Variants in NFAT5 observed in about 807,000 individuals in gnomAD.
NFAT5 encodes the protein nuclear factor of activated T cells 5.
A neutral mutation model predicts 166.5 loss-of-function variants in NFAT5; 31 were observed. That is an observed-to-expected ratio of 0.19 (90% CI 0.14 to 0.25). NFAT5 has a LOEUF of 0.25. Among genes scored for constraint, NFAT5 ranks in the 10% least tolerant of loss-of-function variants. NFAT5 has a pLI of 1.00. For missense variants in NFAT5, 1,449 were observed against 1,821.8 expected (o/e 0.80, Z 3.72); for synonymous variants, 612 against 639.7 (o/e 0.96, Z 0.65).
chr16:69,568,334 GTATATATA>G (rs371948858), intron 1 of NFAT5, among the ~76,000 whole-genome samples, 153 bp from the exon 2 acceptor site: 9 of 133,428 alleles, frequency 6.7e-5, no homozygotes, highest in African/African-American at 2.6e-4. Context: ...ATGTATGTGT[GTATATATA>G]TATATGTGTG....
chr16:69,655,628 C>T lies in NFAT5; in HGVS notation c.1025C>T (p.Pro342Leu). 1 of 1,608,578 alleles carries T rather than the reference C, an allele frequency of 6.2e-7. No individual in the cohort carries two copies. The highest frequency in any genetic ancestry group is 8.5e-7 in the Non-Finnish European group (1 of 1,176,900). Residue 342 changes from proline (P) to leucine (L), a missense_variant, in exon 6 of 15, where the codon CCT becomes CTT. Physicochemically the swap from Pro to Leu is moderately conservative, Grantham distance 98 (BLOSUM62 -3). Around this residue, in one of 7 missense-constraint regions of NFAT5, gnomAD observed 13 missense variants for 16.4 expected, o/e 0.79. Transcript: ENST00000349945. Reference sequence around the variant, plus strand: ...TTTCAGCTGGAAGGCCATAATGAACCTGTAGTGTTGCAAGTGTTTGTGGGC... The same window carrying T: ...TTTCAGCTGGAAGGCCATAATGAACTTGTAGTGTTGCAAGTGTTTGTGGGC... ...PTVKLEGHNEPVVLQVFVGND... is the reference protein window; with the variant it reads ...PTVKLEGHNELVVLQVFVGND...
intron 2 of NFAT5, among the ~76,000 whole-genome samples, chr16:69,581,754 C>G (rs1009131490): frequency 6.6e-6 from 1 of 152,002 alleles, no homozygotes; most frequent in Non-Finnish European, 1.5e-5. Flanking sequence ...GGAGAAATGC[C>G]TATTCAAGGC....
At chr16:69,668,235 C>G (rs928793247) in intron 7 of NFAT5, among the ~76,000 whole-genome samples, 4 of 152,138 alleles carry the variant, frequency 2.6e-5, no homozygotes, top group Non-Finnish European at 4.4e-5. Context: ...TGATCTGCCC[C>G]TCTCGGTCTC....
At chr16:69,571,253 A>G (rs2016419317) in intron 2 of NFAT5, among the ~76,000 whole-genome samples, 1 of 151,672 alleles carries the variant, frequency 6.6e-6, no homozygotes, top group Non-Finnish European at 1.5e-5. Flanking sequence ...GTGGTGAGCC[A>G]AGATCACTCT....
At chr16:69,643,724 A>T (rs754971713) in intron 3 of NFAT5, among the ~76,000 whole-genome samples, 2 of 152,200 alleles carry the variant, frequency 1.3e-5, no homozygotes, top group Non-Finnish European at 2.9e-5. Context: ...AACTCCAAAT[A>T]CATACCAAAT....
chr16:69,615,185 G>T (rs1198958112), intron 2 of NFAT5, among the ~76,000 whole-genome samples: 2 of 152,034 alleles, frequency 1.3e-5, no homozygotes, highest in Admixed American at 1.3e-4. Context: ...GGGATTACAG[G>T]CACGTGCCAC....
At chr16:69,687,302 G>T (rs375081577) in intron 11 of NFAT5, among the ~76,000 whole-genome samples, 1 of 152,010 alleles carries the variant, frequency 6.6e-6, no homozygotes, top group Non-Finnish European at 1.5e-5. Flanking sequence ...TTAGCTGGGC[G>T]TGGTGGTGTG....
rs760406512 is a variant in NFAT5 at position 69,647,170 on chromosome 16, A to G, written c.396A>G (p.Val132=). 1 of 1,614,128 alleles carries G rather than the reference A, an allele frequency of 6.2e-7. No individual in the cohort carries two copies. Among genetic ancestry groups the G allele is most frequent in the South Asian group, 1.1e-5 (1 of 91,080 alleles). The change falls in exon 4 of 15, where the codon GTA becomes GTG. Residue 132 remains valine (V), a synonymous_variant. Transcript: ENST00000349945. The surrounding 1 kb of genome is among the most constrained non-coding windows in gnomAD (Gnocchi z 4.8). ...AGAGCTGCTCCTCAGCCGTGGGGGT[A>G]AGTAACAGAGGGGTAAGTGAAAAGC... ...QVESCSSAVG[V]SNRGVSEKQL... is the part of the protein sequence containing the mutation.
At chr16:69,625,043 G>A (rs2034390798) in intron 2 of NFAT5, among the ~76,000 whole-genome samples, 1 of 152,002 alleles carries the variant, frequency 6.6e-6, no homozygotes, top group Non-Finnish European at 1.5e-5. Context: ...GGGATTACAG[G>A]TGCCCGTCAC....
At chr16:69,610,110 A>T (rs900188431) in intron 2 of NFAT5, among the ~76,000 whole-genome samples, 1 of 152,092 alleles carries the variant, frequency 6.6e-6, no homozygotes, top group African/African-American at 2.4e-5. Flanking sequence ...AAGAAAACTA[A>T]CTTTTTAAGG....
intron 2 of NFAT5, among the ~76,000 whole-genome samples, chr16:69,596,491 G>A (rs936910703): frequency 6.6e-5 from 10 of 152,146 alleles, no homozygotes; most frequent in South Asian, 2.1e-4. Flanking sequence ...AGGCTGAGGC[G>A]GGCAGATCAC....
chr16:69,633,943 T>C (rs964925439), intron 3 of NFAT5, among the ~76,000 whole-genome samples: 4 of 152,110 alleles, frequency 2.6e-5, no homozygotes, highest in Non-Finnish European at 5.9e-5. Context: ...CCCATGAATA[T>C]GTATGATTAT....
chr16:69,566,014 T>C lies in NFAT5; in HGVS notation c.-288T>C, dbSNP rs183762093. 83 of 318,678 alleles carry C rather than the reference T, an allele frequency of 2.6e-4. No homozygotes were observed. The highest frequency in any genetic ancestry group is 9.6e-4 in the Middle Eastern group (1 of 1,046). 19.7% of individuals were successfully genotyped at this position (318,678 alleles called of 1,614,324 possible). On this transcript the variant is annotated 5_prime_UTR_variant, in exon 1 of 15. Coordinates refer to ENST00000349945, the MANE Select transcript of NFAT5 (RefSeq NM_138713.4). The surrounding 1 kb of genome is among the most constrained non-coding windows in gnomAD (Gnocchi z 5.7). Reference sequence around the variant, plus strand: ...GGTGGCGGCGACCGTCAGTTTTCGCTGAGGAGAAACACGAAACGGACCCTT... The same window carrying C: ...GGTGGCGGCGACCGTCAGTTTTCGCCGAGGAGAAACACGAAACGGACCCTT...
intron 3 of NFAT5, among the ~76,000 whole-genome samples, chr16:69,627,316 A>T (rs1186566059): frequency 1.6e-5 from 2 of 128,854 alleles, no homozygotes; most frequent in African/African-American, 5.7e-5. Flanking sequence ...GTTTTAAAAA[A>T]AGGAAACATA....
chr16:69,605,356 C>T (rs1018595917), intron 2 of NFAT5, among the ~76,000 whole-genome samples: 8 of 152,132 alleles, frequency 5.3e-5, no homozygotes, highest in Admixed American at 5.2e-4. Context: ...AGGAGAATCG[C>T]TTGAACCCAG....
chr16:69,635,023 GTTTTTTTTTTTTTT>G (rs530661389), intron 3 of NFAT5, among the ~76,000 whole-genome samples: 3 of 105,268 alleles, frequency 2.8e-5, no homozygotes, highest in Admixed American at 1.1e-4. Flanking sequence ...TGTTAGTAAA[GTTTTTTTTTTTTTT>G]TTTTTTTTTG....
At chr16:69,668,272 G>C (rs2036485204) in intron 7 of NFAT5, among the ~76,000 whole-genome samples, 1 of 152,132 alleles carries the variant, frequency 6.6e-6, no homozygotes, top group Admixed American at 6.5e-5. Flanking sequence ...ACAGGCGTGA[G>C]CCACCTCACC....
At chr16:69,644,415 T>C (rs2035347869) in intron 3 of NFAT5, among the ~76,000 whole-genome samples, 1 of 152,274 alleles carries the variant, frequency 6.6e-6, no homozygotes, top group African/African-American at 2.4e-5. Context: ...TGTTCTTTTC[T>C]GACAGAGTTA....
rs539344579 is a variant in NFAT5, at chr16:69,628,349, C to T, written c.253+1821C>T. Among the ~76,000 whole-genome samples the T allele has an allele frequency of 2.6e-4, 40 of 151,970 alleles. No individual in the cohort carries two copies. The South Asian group carries it at 5.6e-3, about 21-fold the overall frequency. ...AAGAAGTATTTTGAAGTAATGCATT[C>T]TTATTATCTTGAAATTATTGACATT... On this transcript the variant is annotated intron_variant, in intron 3 of 14. Coordinates refer to ENST00000349945, the MANE Select transcript of NFAT5 (RefSeq NM_138713.4).
Sources: gnomAD v4.1 joint callset for allele counts (sites outside exome capture counted in the v4.1 genomes callset) on GRCh38, gnomAD v4.1.1 for gene constraint, gnomAD v4.1.1 regional missense constraint, Gnocchi (gnomAD v3.1) non-coding constraint, MANE v1.5 for transcripts, NCBI Gene and HGNC (gene_info 2026-07-23, HGNC 2026-07-21) for gene names.